Variants in CYLC2 observed in about 807,000 individuals in gnomAD.
CYLC2 encodes the protein cylicin-2.
A neutral mutation model predicts 26.1 loss-of-function variants in CYLC2; 30 were observed. The observed-to-expected ratio is 1.15, with a 90% CI of 0.86 to 1.56. The LOEUF (loss-of-function observed/expected upper bound fraction) is 1.56, where lower values mean the gene tolerates loss of function less well. Among genes scored for constraint, CYLC2 ranks in the 40% most tolerant of loss-of-function variants. CYLC2 has a pLI of 0.00. For synonymous variants in CYLC2, 158 were observed against 132.8 expected (o/e 1.19, Z -1.31); for missense variants, 498 against 394.4 (o/e 1.26, Z -2.23).
At chr9:103,007,278 A>C (rs989182915) in intron 5 of CYLC2, among the ~76,000 whole-genome samples, 6 of 152,240 alleles carry the variant, frequency 3.9e-5, no homozygotes, top group Admixed American at 3.3e-4. Context: ...TTACTAGCTT[A>C]TGATAGATGA....
intron 5 of CYLC2, among the ~76,000 whole-genome samples, chr9:103,008,935 A>G (rs1829378655): frequency 6.6e-6 from 1 of 152,080 alleles, no homozygotes; most frequent in African/African-American, 2.4e-5. Flanking sequence ...CACACTTACC[A>G]TCAACTTTTC....
Position 102,995,376 on chromosome 9 carries a change from G to C in CYLC2, c.-5G>C. On this transcript the variant is annotated 5_prime_UTR_variant, in exon 1 of 8. Coordinates refer to ENST00000374798, the MANE Select transcript of CYLC2 (RefSeq NM_001340.5). ...TTAAGTCCTGGCAAGTCATAAGTGG[G>C]GAAAATGTCTCTCCCAAGATTGTAA... 1 of 1,604,086 alleles carries C rather than the reference G, an allele frequency of 6.2e-7. No homozygotes were observed. The highest frequency in any genetic ancestry group is 1.1e-5 in the South Asian group (1 of 90,706).
intron 1 of CYLC2, among the ~76,000 whole-genome samples, chr9:103,000,769 T>G (rs1829280688): frequency 6.6e-6 from 1 of 151,982 alleles, no homozygotes; most frequent in African/African-American, 2.4e-5. Flanking sequence ...CACAAAAGCC[T>G]CAAACTCACT....
At chr9:102,998,699 C>A (rs549369385) in intron 1 of CYLC2, among the ~76,000 whole-genome samples, 2 of 152,018 alleles carry the variant, frequency 1.3e-5, no homozygotes, top group African/African-American at 2.4e-5. Flanking sequence ...TAACTCTAAT[C>A]TCATAAACAC....
chr9:103,006,800 C>A (rs867088054), intron 5 of CYLC2, among the ~76,000 whole-genome samples: 1 of 151,920 alleles, frequency 6.6e-6, no homozygotes, highest in African/African-American at 2.4e-5. Flanking sequence ...ATAATTGAAC[C>A]AAATTATAAT....
chr9:103,012,626 T>G (rs772823544), intron 6 of CYLC2, among the ~76,000 whole-genome samples: 4 of 151,976 alleles, frequency 2.6e-5, no homozygotes, highest in South Asian at 4.1e-4. Context: ...AGAATAAAAG[T>G]ATTGTGGAAA....
rs763338109 is a variant in CYLC2 at position 103,005,520 on chromosome 9, A to T, written c.889A>T (p.Thr297Ser). 6.2e-7 allele frequency: 1 copy of T among 1,612,426 alleles called. No homozygotes were observed. The highest frequency in any genetic ancestry group is 1.1e-5 in the South Asian group (1 of 90,918). ...DVKKESKKDA[T>S]KDAKKVAKKD... Reference sequence around the variant, plus strand: ...CAAGAAAGAGTCTAAGAAGGACGCCACGAAAGATGCCAAGAAAGTTGCCAA... The same window carrying T: ...CAAGAAAGAGTCTAAGAAGGACGCCTCGAAAGATGCCAAGAAAGTTGCCAA... Residue 297 changes from threonine (T) to serine (S), a missense_variant, in exon 5 of 8, where the codon ACG becomes TCG. Physicochemically the swap from Thr to Ser is moderately conservative, Grantham distance 58 (BLOSUM62 1). Transcript: ENST00000374798.
At chr9:103,013,340 TATATAA>T (rs1829437045) in intron 6 of CYLC2, among the ~76,000 whole-genome samples, 2 of 72,434 alleles carry the variant, frequency 2.8e-5, no homozygotes, top group South Asian at 1.0e-3. Flanking sequence ...TTTAATATAT[TATATAA>T]ATATATATTA....
At chr9:102,998,801 G>T (rs538345498) in intron 1 of CYLC2, among the ~76,000 whole-genome samples, 33 of 151,950 alleles carry the variant, frequency 2.2e-4, no homozygotes, top group Non-Finnish European at 3.4e-4. Context: ...ACCAATGACT[G>T]TTCAGTTACC....
chr9:103,018,113 C>T (rs1166481425), intron 7 of CYLC2, among the ~76,000 whole-genome samples: 2 of 151,898 alleles, frequency 1.3e-5, no homozygotes, highest in Non-Finnish European at 2.9e-5. Flanking sequence ...ACTCAGAAAC[C>T]TAAGGTTCTG....
chr9:103,004,334 T>C (rs1056134065), intron 3 of CYLC2, among the ~76,000 whole-genome samples: 3 of 152,046 alleles, frequency 2.0e-5, no homozygotes, highest in Admixed American at 1.3e-4. Flanking sequence ...TAGTTTCTGA[T>C]TTACCTAGAA....
chr9:103,005,198 C>CA lies in CYLC2; in HGVS notation c.573dup (p.Asp192ArgfsTer2). 1.2e-6 allele frequency: 2 copies of CA among 1,606,052 alleles called. No individual in the cohort carries two copies. Among genetic ancestry groups the CA allele is most frequent in the East Asian group, 2.2e-5 (1 of 44,750 alleles). ...AAAAAGGAGGTGCAAAGAAAGATAA[C>CA]AAAAAAGATAAAAAGGATTCAAACA... On this transcript the variant is annotated frameshift_variant, in exon 5 of 8. Transcript: ENST00000374798. LOFTEE classifies it high-confidence loss of function.
At chr9:103,013,262 T>TAAA (rs1829433248) in intron 6 of CYLC2, among the ~76,000 whole-genome samples, 2 of 109,590 alleles carry the variant, frequency 1.8e-5, no homozygotes, top group Non-Finnish European at 3.3e-5. Context: ...ATTTAATGTG[T>TAAA]TATATATATT....
Position 103,005,383 on chromosome 9 carries a change from C to A in CYLC2, c.752C>A (p.Ala251Glu). The change falls in exon 5 of 8, where the codon GCA becomes GAA. Residue 251 changes from alanine (A) to glutamate (E), a missense_variant. Ala to Glu is a moderately radical substitution (Grantham distance 107). Coordinates refer to ENST00000374798, the MANE Select transcript of CYLC2 (RefSeq NM_001340.5). ...EKKDEDGKKD[A>E]NKGDESKDAK... ...AAGGATGAGGATGGAAAAAAAGATG[C>A]AAACAAAGGTGATGAATCGAAGGAT... The A allele has an allele frequency of 6.2e-7, 1 of 1,613,554 alleles. No homozygotes were observed. The highest frequency in any genetic ancestry group is 8.5e-7 in the Non-Finnish European group (1 of 1,179,900).
In CYLC2 at chr9:103,005,502, G is replaced by C. The variant is rs1199599136; in HGVS notation, c.871G>C (p.Glu291Gln). The change falls in exon 5 of 8, where the codon GAG becomes CAG. Residue 291 changes from glutamate (E) to glutamine (Q), a missense_variant. Transcript: ENST00000374798. ...TGACTCAAAGGATGATGTCAAGAAA[G>C]AGTCTAAGAAGGACGCCACGAAAGA... The part of the protein sequence containing the change: ...DSDSKDDVKK[E>Q]SKKDATKDAK... 4 of 1,613,380 alleles carry C rather than the reference G, an allele frequency of 2.5e-6. No homozygotes were observed. The highest frequency in any genetic ancestry group is 3.4e-6 in the Non-Finnish European group (4 of 1,179,724).
intron 7 of CYLC2, among the ~76,000 whole-genome samples, chr9:103,017,834 C>G (rs1335460910): frequency 1.3e-5 from 2 of 151,968 alleles, no homozygotes; most frequent in African/African-American, 4.8e-5. Context: ...TCAAGCCTCT[C>G]TCCTTGGCCT....
intron 7 of CYLC2, among the ~76,000 whole-genome samples, chr9:103,017,330 A>C (rs1043166362): frequency 5.9e-5 from 9 of 152,034 alleles, no homozygotes; most frequent in South Asian, 2.1e-4. Flanking sequence ...TCATAGTTTA[A>C]ATTTTCCTAT....
At chr9:103,012,788 A>G (rs1014870105) in intron 6 of CYLC2, among the ~76,000 whole-genome samples, 1 of 151,758 alleles carries the variant, frequency 6.6e-6, no homozygotes, top group African/African-American at 2.4e-5. Flanking sequence ...GGTTTATTTT[A>G]TACTTTCTCA....
intron 4 of CYLC2, 37 bp downstream of exon 4, chr9:103,004,888 A>G (rs1371359168): frequency 6.3e-7 from 1 of 1,582,868 alleles, no homozygotes; most frequent in East Asian, 2.2e-5. Flanking sequence ...TATCTCTGTA[A>G]TTTTCTGATT....
Sources: gnomAD v4.1 joint callset for allele counts (sites outside exome capture counted in the v4.1 genomes callset) on GRCh38, gnomAD v4.1.1 for gene constraint, MANE v1.5 for transcripts, NCBI Gene and HGNC (gene_info 2026-07-23, HGNC 2026-07-21) for gene names.